The following NRG2 variants were observed in gnomAD, a reference collection of about 807,000 sequenced individuals.
The protein encoded by NRG2 is neuregulin 2, also known as pro-neuregulin-2, membrane-bound isoform.
A neutral mutation model predicts 73.9 loss-of-function variants in NRG2; 27 were observed. That is an observed-to-expected ratio of 0.37 (90% CI 0.27 to 0.50). The LOEUF is 0.50. Ranked by LOEUF, NRG2 falls within the 20% of genes least tolerant of loss-of-function variation. The pLI is 0.96. For synonymous variants in NRG2, 532 were observed against 541.0 expected (o/e 0.98, Z 0.23); for missense variants, 1,126 against 1,210.1 (o/e 0.93, Z 1.03).
At chr5:139,857,794 T>G (rs6864507) in intron 5 of NRG2, among the ~76,000 whole-genome samples, 9,291 of 152,164 alleles carry the variant, frequency 0.061, 752 homozygotes, top group African/African-American at 0.18. Context: ...GCCCCATACC[T>G]TGGGCTCATT....
Position 140,033,781 on chromosome 5 carries a change from A to G in NRG2, c.700+8589T>C, listed in dbSNP as rs139228907. Among the ~76,000 whole-genome samples, 135 of 152,270 alleles carry G rather than the reference A, an allele frequency of 8.9e-4. 1 individual carries two copies. The highest frequency in any genetic ancestry group is 3.2e-3 in the African/African-American group (131 of 41,550). On this transcript the variant is annotated intron_variant, in intron 1 of 9. Transcript: ENST00000361474. ...TCATTTACCTAGTCTTCCTGCTCACATTGGTTAATAATTAACATTTTTCAA... is the reference window on the plus strand; with the variant it reads ...TCATTTACCTAGTCTTCCTGCTCACGTTGGTTAATAATTAACATTTTTCAA...
At chr5:139,952,469 C>T (rs550449595) in intron 1 of NRG2, among the ~76,000 whole-genome samples, 12 of 152,316 alleles carry the variant, frequency 7.9e-5, no homozygotes, top group Non-Finnish European at 2.9e-5. Context: ...ACCCCCAGAG[C>T]ACCCCAAAAC....
At chr5:139,958,412 T>C (rs1452424710) in intron 1 of NRG2, among the ~76,000 whole-genome samples, 1 of 152,218 alleles carries the variant, frequency 6.6e-6, no homozygotes, top group East Asian at 1.9e-4. Context: ...GCACATACTG[T>C]CCAGTCCCCT....
intron 1 of NRG2, among the ~76,000 whole-genome samples, chr5:139,924,250 T>G (rs1233715043): frequency 6.6e-6 from 1 of 152,236 alleles, no homozygotes; most frequent in African/African-American, 2.4e-5. Flanking sequence ...CCATCTCTTT[T>G]GGTCAGAACT....
chr5:139,979,889 T>C (rs1252810425), intron 1 of NRG2, among the ~76,000 whole-genome samples: 1 of 152,262 alleles, frequency 6.6e-6, no homozygotes, highest in African/African-American at 2.4e-5. Context: ...CAAATGCTTG[T>C]TGCTGTAAGT....
At chr5:139,983,816 G>A (rs1260512326) in intron 1 of NRG2, among the ~76,000 whole-genome samples, 2 of 152,134 alleles carry the variant, frequency 1.3e-5, no homozygotes, top group Non-Finnish European at 2.9e-5. Flanking sequence ...GAGCTTGTTT[G>A]TTGATCCTTT....
rs555969373 is a variant in NRG2, at chr5:139,894,242, A to T, written c.701-6731T>A. Among the ~76,000 whole-genome samples the T allele has an allele frequency of 2.0e-4, 31 of 152,270 alleles. No homozygotes were observed. In the East Asian group the frequency reaches 5.2e-3, roughly 26 times the overall value. ...CGGGCAGGGGCAGCAGGCTCTTAAA[A>T]GGGTTAATGATCCTCACCTCATGAC... On this transcript the variant is annotated intron_variant, in intron 1 of 9. Coordinates refer to ENST00000361474, the MANE Select transcript of NRG2 (RefSeq NM_004883.3). The surrounding 1 kb of genome is among the most constrained non-coding windows in gnomAD (Gnocchi z 5.0).
At chr5:139,902,589 C>T (rs564864816) in intron 1 of NRG2, among the ~76,000 whole-genome samples, 9 of 152,190 alleles carry the variant, frequency 5.9e-5, no homozygotes, top group African/African-American at 2.2e-4. Flanking sequence ...CTAGTGATTC[C>T]CACCAGCTGA....
Position 139,852,874 on chromosome 5 carries a change from T to C in NRG2, c.1416+30A>G, listed in dbSNP as rs1761548449. 1 of 1,612,630 alleles carries C rather than the reference T, an allele frequency of 6.2e-7. No individual in the cohort carries two copies. The highest frequency in any genetic ancestry group is 8.5e-7 in the Non-Finnish European group (1 of 1,179,700). ...AGAAGGCTGGCTGTCCACTGAGGGC[T>C]CAGAAGGGGGCCCCAGGAAAGCCAC... On this transcript the variant is annotated intron_variant, in intron 7 of 9. Transcript: ENST00000361474. This position sits in a 1 kb window ranked among gnomAD's most constrained non-coding sequence, Gnocchi z 4.4.
intron 1 of NRG2, among the ~76,000 whole-genome samples, chr5:139,914,445 G>C (rs540181670): frequency 6.6e-6 from 1 of 152,080 alleles, no homozygotes; most frequent in Non-Finnish European, 1.5e-5. Context: ...ACTCAGCCTC[G>C]TTCAGAGCTA....
intron 1 of NRG2, among the ~76,000 whole-genome samples, chr5:140,001,421 A>AT (rs982823709): frequency 6.6e-6 from 1 of 152,170 alleles, no homozygotes; most frequent in African/African-American, 2.4e-5. Flanking sequence ...GTCTTAATTT[A>AT]TTTTTTATCC....
intron 3 of NRG2, 46 bp downstream of exon 3, chr5:139,880,810 C>T (rs1342772839): frequency 3.3e-6 from 5 of 1,528,464 alleles, no homozygotes; most frequent in Non-Finnish European, 4.5e-6. Flanking sequence ...CTGGCCCGCC[C>T]TGCCAAACCC....
chr5:139,957,063 A>G (rs1754677752), intron 1 of NRG2, among the ~76,000 whole-genome samples: 1 of 152,210 alleles, frequency 6.6e-6, no homozygotes, highest in East Asian at 1.9e-4. Flanking sequence ...ATATGCTGGC[A>G]TGAGCTGGTA....
rs202105382 is a variant in NRG2, at chr5:139,871,851, T to A, written c.992-10A>T. Reference sequence around the variant, plus strand: ...GACAGGGTGGTGCTCACTGAGGGTATGAGAGACATGTGCCAGTGACGCACT... The same window carrying A: ...GACAGGGTGGTGCTCACTGAGGGTAAGAGAGACATGTGCCAGTGACGCACT... On this transcript the variant is annotated splice_polypyrimidine_tract_variant and intron_variant, in intron 3 of 9. Coordinates refer to ENST00000361474, the MANE Select transcript of NRG2 (RefSeq NM_004883.3). 8.2e-5 allele frequency: 132 copies of A among 1,613,376 alleles called. 1 individual carries two copies. The African/African-American group carries it at 1.6e-3, about 20-fold the overall frequency.
At chr5:139,960,683 G>A (rs1477906435) in intron 1 of NRG2, among the ~76,000 whole-genome samples, 4 of 152,302 alleles carry the variant, frequency 2.6e-5, no homozygotes, top group South Asian at 4.1e-4. Flanking sequence ...CACAGTAAAC[G>A]CCATGTAAGT....
rs1762633289 is a variant in NRG2 at position 139,868,493 on chromosome 5, C to T, written c.1113-2868G>A. On this transcript the variant is annotated intron_variant, in intron 4 of 9. Coordinates refer to ENST00000361474, the MANE Select transcript of NRG2 (RefSeq NM_004883.3). The surrounding 1 kb of genome is among the most constrained non-coding windows in gnomAD (Gnocchi z 4.2). ...GAAGGAGCAGCGGGTAACAGCCTTC[C>T]CAGCCTTTCCCACCAGGTCATCAGT... 6.6e-6 allele frequency among the ~76,000 whole-genome samples: 1 copy of T among 152,012 alleles called. No homozygotes were observed. The highest frequency in any genetic ancestry group is 1.5e-5 in the Non-Finnish European group (1 of 67,984).
intron 1 of NRG2, among the ~76,000 whole-genome samples, chr5:139,997,025 C>T (rs1758069098): frequency 6.6e-6 from 1 of 152,004 alleles, no homozygotes; most frequent in Admixed American, 6.6e-5. Flanking sequence ...GCCTGTAGTC[C>T]CAGCTACTCA....
At position 139,929,977 on chromosome 5, in the gene NRG2, GA is replaced by G. The variant is rs534107792; in HGVS notation, c.701-42467del. 2.6e-5 allele frequency among the ~76,000 whole-genome samples: 4 copies of G among 152,340 alleles called. No individual in the cohort carries two copies. The East Asian group carries it at 5.8e-4, about 22-fold the overall frequency. ...TCACACCTCATTTGTCTGAATTCGT[GA>G]TGTCACATAGGGTAAGCCATTGTGA... On this transcript the variant is annotated intron_variant, in intron 1 of 9. Coordinates refer to ENST00000361474, the MANE Select transcript of NRG2 (RefSeq NM_004883.3).
intron 1 of NRG2, among the ~76,000 whole-genome samples, chr5:139,916,729 A>C (rs1709087470): frequency 1.3e-5 from 2 of 152,190 alleles, no homozygotes; most frequent in Admixed American, 1.3e-4. Context: ...ATCAGTATTC[A>C]TACCTTTTTT....
Sources: allele counts gnomAD v4.1 joint callset (sites outside exome capture counted in the v4.1 genomes callset), GRCh38; gene constraint gnomAD v4.1.1; non-coding constraint Gnocchi (gnomAD v3.1); transcripts MANE v1.5; gene names NCBI Gene and HGNC (gene_info 2026-07-23, HGNC 2026-07-21).